Variants in IPCEF1 observed in about 807,000 individuals in gnomAD.
IPCEF1 encodes the protein interaction protein for cytohesin exchange factors 1.
In IPCEF1, 31 loss-of-function variants were observed where a neutral mutation model predicts 50.9. That is an observed-to-expected ratio of 0.61 (90% CI 0.46 to 0.82). The LOEUF is 0.82. Ranked by LOEUF, IPCEF1 falls within the 40% of genes least tolerant of loss-of-function variation. The pLI, the probability that IPCEF1 is intolerant of heterozygous loss-of-function variation, is 0.00. For synonymous variants in IPCEF1, 181 were observed against 192.0 expected, an observed-to-expected ratio of 0.94 and a Z score of 0.47; for missense variants, 458 against 514.0, an observed-to-expected ratio of 0.89 and a Z score of 1.05.
chr6:154,276,303 G>GAAAA (rs953867157), intron 2 of IPCEF1, among the ~76,000 whole-genome samples: 10 of 134,368 alleles, frequency 7.4e-5, no homozygotes, highest in African/African-American at 2.8e-4. Flanking sequence ...GAAAAGAAAA[G>GAAAA]AGGAAGGGAA....
At chr6:154,275,731 C>T (rs61712260) in intron 2 of IPCEF1, among the ~76,000 whole-genome samples, 1 of 152,030 alleles carries the variant, frequency 6.6e-6, no homozygotes, top group Non-Finnish European at 1.5e-5. Flanking sequence ...AGCAGCTATA[C>T]CCCATACAGC....
At chr6:154,161,323 G>T (rs1316057957) in intron 11 of IPCEF1, among the ~76,000 whole-genome samples, 1 of 150,706 alleles carries the variant, frequency 6.6e-6, no homozygotes, top group African/African-American at 2.4e-5. Flanking sequence ...CGATTCTCCT[G>T]CATCAACCTC....
intron 7 of IPCEF1, among the ~76,000 whole-genome samples, chr6:154,214,959 T>C (rs1458252138): frequency 6.6e-6 from 1 of 152,230 alleles, no homozygotes; most frequent in Non-Finnish European, 1.5e-5. Flanking sequence ...AAGGGTTTAC[T>C]TAGGAACATA....
At chr6:154,298,528 C>G (rs892561223) in intron 1 of IPCEF1, among the ~76,000 whole-genome samples, 1 of 152,190 alleles carries the variant, frequency 6.6e-6, no homozygotes, top group Non-Finnish European at 1.5e-5. Flanking sequence ...ATTGAAGAAA[C>G]AGACTGTGCC....
chr6:154,176,540 G>A (rs1189195705), intron 10 of IPCEF1, among the ~76,000 whole-genome samples: 4 of 152,122 alleles, frequency 2.6e-5, no homozygotes, highest in Non-Finnish European at 5.9e-5. Context: ...CAGACAGAGA[G>A]CCAAATCATG....
At chr6:154,283,014 G>A (rs191607102) in intron 2 of IPCEF1, among the ~76,000 whole-genome samples, 25 of 152,140 alleles carry the variant, frequency 1.6e-4, no homozygotes, top group African/African-American at 5.5e-4. Context: ...ATATTTGAGG[G>A]CAGGGCAGGA....
intron 1 of IPCEF1, among the ~76,000 whole-genome samples, chr6:154,324,213 C>T (rs1305786341): frequency 6.6e-6 from 1 of 152,166 alleles, no homozygotes; most frequent in Non-Finnish European, 1.5e-5. Flanking sequence ...TGGAACACAT[C>T]TAATAAAGCT....
chr6:154,283,387 G>T (rs1425153068), intron 2 of IPCEF1, among the ~76,000 whole-genome samples: 1 of 151,196 alleles, frequency 6.6e-6, no homozygotes. Context: ...ACAAGGTCAG[G>T]AGATCATGAC....
chr6:154,322,269 C>G (rs117077115), intron 1 of IPCEF1, among the ~76,000 whole-genome samples: 4,338 of 152,264 alleles, frequency 0.028, 67 homozygotes, highest in Middle Eastern at 0.078. Context: ...GTAATCCCAG[C>G]ATTTTGGGAG....
At chr6:154,278,013 T>C (rs958195173) in intron 2 of IPCEF1, among the ~76,000 whole-genome samples, 6 of 151,974 alleles carry the variant, frequency 3.9e-5, no homozygotes, top group African/African-American at 1.2e-4. Context: ...CCTTCCTCTC[T>C]CCCTCCTGCC....
At chr6:154,169,369 A>C (rs760028434) in intron 10 of IPCEF1, among the ~76,000 whole-genome samples, 7 of 152,128 alleles carry the variant, frequency 4.6e-5, no homozygotes, top group Non-Finnish European at 7.4e-5. Flanking sequence ...ACACACACAC[A>C]CACAAAATAT....
At chr6:154,221,428 T>C (rs1722780335) in intron 6 of IPCEF1, 100 bp from the exon 7 acceptor site, 3 of 865,838 alleles carry the variant, frequency 3.5e-6, no homozygotes, top group Non-Finnish European at 5.5e-6. Flanking sequence ...TAAACTTGTC[T>C]GCTTTCTTTG....
At chr6:154,238,922 G>GT (rs200785496) in intron 5 of IPCEF1, among the ~76,000 whole-genome samples, 117 of 148,552 alleles carry the variant, frequency 7.9e-4, no homozygotes, top group South Asian at 1.7e-3. Context: ...CTATATTGTT[G>GT]TTTTTTTTAA....
At chr6:154,348,356 G>A (rs1411121941) in intron 1 of IPCEF1, among the ~76,000 whole-genome samples, 2 of 152,154 alleles carry the variant, frequency 1.3e-5, no homozygotes, top group African/African-American at 2.4e-5. Flanking sequence ...GGAAAACTGT[G>A]AGTGTATTTG....
chr6:154,328,303 T>C (rs1444909579), intron 1 of IPCEF1, among the ~76,000 whole-genome samples: 3 of 152,242 alleles, frequency 2.0e-5, no homozygotes, highest in African/African-American at 4.8e-5. Flanking sequence ...TGATGAACAC[T>C]AGGCTTGCCC....
chr6:154,339,089 C>T (rs1411990105), intron 1 of IPCEF1, among the ~76,000 whole-genome samples: 1 of 151,920 alleles, frequency 6.6e-6, no homozygotes, highest in African/African-American at 2.4e-5. Context: ...CTTCTTTTTT[C>T]CTTTAAAAAC....
intron 10 of IPCEF1, among the ~76,000 whole-genome samples, chr6:154,182,778 C>T (rs955502772): frequency 1.3e-5 from 2 of 152,004 alleles, no homozygotes; most frequent in African/African-American, 4.8e-5. Context: ...CACCATAACC[C>T]GCTGGATCCA....
intron 1 of IPCEF1, among the ~76,000 whole-genome samples, chr6:154,329,793 A>C (rs925847778): frequency 1.3e-5 from 2 of 152,168 alleles, no homozygotes; most frequent in Admixed American, 6.5e-5. Context: ...TGGCGAATTC[A>C]CATGCTTCCA....
intron 2 of IPCEF1, among the ~76,000 whole-genome samples, chr6:154,270,127 T>C (rs1781865966): frequency 6.6e-6 from 1 of 152,180 alleles, no homozygotes; most frequent in Admixed American, 6.5e-5. Context: ...GAGAATGAAT[T>C]TTTGAATTAC....
Sources: gnomAD v4.1 joint callset for allele counts (sites outside exome capture counted in the v4.1 genomes callset) on GRCh38, gnomAD v4.1.1 for gene constraint, MANE v1.5 for transcripts, NCBI Gene and HGNC (gene_info 2026-07-23, HGNC 2026-07-21) for gene names.